Variants in EXOSC8 observed in about 807,000 individuals in gnomAD.
EXOSC8 encodes exosome component 8.
A neutral mutation model predicts 39.9 loss-of-function variants in EXOSC8; 37 were observed. The ratio of observed to expected loss-of-function variants is 0.93; its 90% confidence interval spans 0.71 to 1.22. The LOEUF (loss-of-function observed/expected upper bound fraction) is 1.22. EXOSC8 is among the 50% of genes most tolerant of loss of function. The pLI, the probability that EXOSC8 is intolerant of heterozygous loss-of-function variation, is 0.00. For missense variants in EXOSC8, 313 were observed against 326.6 expected, an observed-to-expected ratio of 0.96 and a Z score of 0.32; for synonymous variants, 93 against 109.5, an observed-to-expected ratio of 0.85 and a Z score of 0.94.
rs769124036 is a variant in EXOSC8 at position 37,008,709 on chromosome 13, A to C, written c.609-20A>C. 2 of 1,467,630 alleles carry C rather than the reference A, an allele frequency of 1.4e-6. No homozygotes were observed. The highest frequency in any genetic ancestry group is 1.7e-5 in the Admixed American group (1 of 57,144). 90.9% of individuals were successfully genotyped at this position (1,467,630 alleles called of 1,614,324 possible). A position where few individuals can be genotyped will look rare whatever the true frequency, so the allele number is the denominator to read the frequency against. ...AATTTGTTCCATGGATTGATAACTT[A>C]TATTTTTTTCTTTTTATAGCACTTT... On this transcript the variant is annotated intron_variant, in intron 9 of 10. Coordinates refer to ENST00000389704, the MANE Select transcript of EXOSC8 (RefSeq NM_181503.3).
intron 1 of EXOSC8, 147 bp from the exon 2 acceptor site, chr13:37,002,126 C>T (rs2059110140): frequency 1.7e-6 from 1 of 575,140 alleles, no homozygotes; most frequent in South Asian, 2.6e-5. Context: ...ATTGCTACTA[C>T]AAGGATTTTT....
intron 4 of EXOSC8, 82 bp downstream of exon 4, chr13:37,003,089 A>G (rs1283396713): frequency 1.2e-6 from 1 of 829,218 alleles, no homozygotes; most frequent in Non-Finnish European, 2.0e-6. Flanking sequence ...CTGTAATTCT[A>G]CTCTTGATTT....
At chr13:37,002,664 T>C (rs2059114349) in intron 3 of EXOSC8, 113 bp downstream of exon 3, 1 of 794,826 alleles carries the variant, frequency 1.3e-6, no homozygotes, top group Non-Finnish European at 2.0e-6. Context: ...ATGATTTTTT[T>C]TGTCAAGAGA....
chr13:37,005,744 A>G (rs2059133975), intron 5 of EXOSC8, among the ~76,000 whole-genome samples, 176 bp from the exon 6 acceptor site: 1 of 150,542 alleles, frequency 6.6e-6, no homozygotes, highest in South Asian at 2.1e-4. Context: ...TGTGCCTGTA[A>G]TCTCAGCTAC....
At chr13:37,007,680 TCTCA>T (rs2059153113) in intron 8 of EXOSC8, among the ~76,000 whole-genome samples, 1 of 152,124 alleles carries the variant, frequency 6.6e-6, no homozygotes, top group African/African-American at 2.4e-5. Context: ...TTCCTGGCTC[TCTCA>T]CTCTGTGCTG....
intron 7 of EXOSC8, among the ~76,000 whole-genome samples, chr13:37,006,718 G>T (rs2138849521): frequency 6.6e-6 from 1 of 152,286 alleles, no homozygotes; most frequent in African/African-American, 2.4e-5. Context: ...TTCTACATCT[G>T]TAGCTCCATT....
chr13:37,007,938 T>C, intron 8 of EXOSC8, 119 bp from the exon 9 acceptor site: 2 of 756,422 alleles, frequency 2.6e-6, no homozygotes, highest in Non-Finnish European at 4.4e-6. Context: ...TAAGGTGCTT[T>C]TTAAAAAGAA....
chr13:37,003,579 G>GACTA (rs1406774447), intron 4 of EXOSC8: 1 of 152,626 alleles, frequency 6.6e-6, no homozygotes, highest in African/African-American at 2.4e-5. Context: ...GTGCTTCTTT[G>GACTA]ACTACAGTAT....
chr13:37,009,056 G>GTAGA, intron 10 of EXOSC8, 128 bp from the exon 11 acceptor site: 1 of 719,062 alleles, frequency 1.4e-6, no homozygotes, highest in Non-Finnish European at 2.4e-6. Context: ...AAACTAACTT[G>GTAGA]TAGATCTTGA....
Position 37,009,340 on chromosome 13 carries a change from TTTG to T in EXOSC8, c.*44_*46del. On this transcript the variant is annotated 3_prime_UTR_variant, in exon 11 of 11. Coordinates refer to ENST00000389704, the MANE Select transcript of EXOSC8 (RefSeq NM_181503.3). ...TCAAAACAGATTTGTAAAAATTGTATTTGTTAACACTGTGCACAAACGTTTTAT... is the reference window on the plus strand; with the variant it reads ...TCAAAACAGATTTGTAAAAATTGTATTTAACACTGTGCACAAACGTTTTAT... 8.6e-7 allele frequency: 1 copy of T among 1,162,950 alleles called. No homozygotes were observed. The highest frequency in any genetic ancestry group is 1.3e-6 in the Non-Finnish European group (1 of 781,626). 72.0% of individuals were successfully genotyped at this position (1,162,950 alleles called of 1,614,324 possible).
Position 37,007,054 on chromosome 13 carries a change from T to C in EXOSC8, c.470T>C (p.Leu157Pro). 6.2e-7 allele frequency: 1 copy of C among 1,611,582 alleles called. No homozygotes were observed. Among genetic ancestry groups the C allele is most frequent in the South Asian group, 1.1e-5 (1 of 91,032 alleles). The change falls in exon 8 of 11, where the codon CTA (leucine) becomes CCA (proline). Residue 157 changes from leucine to proline, a missense_variant. Physicochemically the swap from Leu to Pro is moderately conservative, Grantham distance 98. Coordinates refer to ENST00000389704, the MANE Select transcript of EXOSC8 (RefSeq NM_181503.3). ...NILDACTFAL[L>P]AALKNVQLPE... ...TTGGATGCCTGCACATTTGCTTTGC[T>C]AGCGGCTTTAAAAAATGGTAAGCAG...
In EXOSC8 at chr13:37,006,175, G is replaced by C. The variant is rs1174758656; in HGVS notation, c.390+15G>C. ...CTCCAGGAAAGGTAAGAGGAATAGA[G>C]AAGCTATAAGTTCTTATTAATTCTG... On this transcript the variant is annotated intron_variant, in intron 7 of 10. Transcript: ENST00000389704. 6.4e-7 allele frequency: 1 copy of C among 1,569,126 alleles called. No individual in the cohort carries two copies. Among genetic ancestry groups the C allele is most frequent in the Non-Finnish European group, 8.7e-7 (1 of 1,145,398 alleles).
At position 37,009,276 on chromosome 13, in the gene EXOSC8, A is replaced by T. The variant is rs767303775; in HGVS notation, c.808A>T (p.Ile270Phe). The change falls in exon 11 of 11, where the codon ATT becomes TTT. Residue 270 changes from isoleucine to phenylalanine, a missense_variant. Physicochemically the swap from Ile to Phe is conservative, Grantham distance 21. Transcript: ENST00000389704. ...KEVKKLMDEV[I>F]KSMKPK ...AGTTAAAAAACTGATGGATGAAGTA[A>T]TTAAGAGTATGAAACCCAAATAAAC... 6.2e-6 allele frequency: 10 copies of T among 1,604,886 alleles called. No individual in the cohort carries two copies. The highest frequency in any genetic ancestry group is 8.5e-6 in the Non-Finnish European group (10 of 1,172,316).
chr13:37,002,181 C>A, intron 1 of EXOSC8, 92 bp from the exon 2 acceptor site: 2 of 892,204 alleles, frequency 2.2e-6, no homozygotes, highest in Non-Finnish European at 3.7e-6. Context: ...GAGATTTATG[C>A]TGCATCACCA....
At chr13:37,003,197 G>A (rs1322390652) in intron 4 of EXOSC8, 190 bp downstream of exon 4, 4 of 494,490 alleles carry the variant, frequency 8.1e-6, no homozygotes, top group Non-Finnish European at 1.4e-5. Context: ...GTGAACAATT[G>A]TCAAATGTAG....
chr13:37,009,540 G>T lies in EXOSC8; in HGVS notation c.*241G>T. ...TTTTATTTAAAAATGATAAGGTTGT[G>T]CTTCTGTATAAAGTTTGTACATCTA... On this transcript the variant is annotated 3_prime_UTR_variant, in exon 11 of 11. Coordinates refer to ENST00000389704, the MANE Select transcript of EXOSC8 (RefSeq NM_181503.3). The T allele has an allele frequency of 9.0e-7, 1 of 1,110,818 alleles. No individual in the cohort carries two copies. The highest frequency in any genetic ancestry group is 1.3e-6 in the Non-Finnish European group (1 of 744,314). The allele number at this position is 1,110,818 out of a possible 1,614,324, so 68.8% of individuals were successfully genotyped here. A position where few individuals can be genotyped will look rare whatever the true frequency, so the allele number is the denominator to read the frequency against.
rs1044235572 is a variant in EXOSC8 at position 37,009,297 on chromosome 13, T to A, written c.829T>A (p.Ter277LysextTer16). The change falls in exon 11 of 11, where the codon TAA becomes AAA. Residue 277 changes from the stop codon to lysine (K), a stop_lost. Transcript: ENST00000389704. ...AGTAATTAAGAGTATGAAACCCAAA[T>A]AAACAGCCACCACATTTTCAAAACA... ...DEVIKSMKPK[*>K] 1 of 1,525,116 alleles carries A rather than the reference T, an allele frequency of 6.6e-7. No homozygotes were observed. Among genetic ancestry groups the A allele is most frequent in the East Asian group, 2.3e-5 (1 of 44,400 alleles). The allele number at this position is 1,525,116 out of a possible 1,614,324, so 94.5% of individuals were successfully genotyped here. A position where few individuals can be genotyped will look rare whatever the true frequency, so the allele number is the denominator to read the frequency against.
At chr13:37,007,116 G>T (rs1240465963) in intron 8 of EXOSC8, 45 bp downstream of exon 8, 1 of 1,213,956 alleles carries the variant, frequency 8.2e-7, no homozygotes, top group Admixed American at 1.7e-5. Flanking sequence ...TCATGGGTTA[G>T]AATGTTGTTT....
rs763339363 is a variant in EXOSC8 at position 37,009,245 on chromosome 13, CAAAG to C, written c.780_783del (p.Glu261LeufsTer4). 3.1e-6 allele frequency: 5 copies of C among 1,613,294 alleles called. No homozygotes were observed. Among genetic ancestry groups the C allele is most frequent in the African/African-American group, 2.7e-5 (2 of 74,852 alleles). ...GTATGAGCCGAGCAGTTACAAGACA[CAAAG>C]AAGTTAAAAAACTGATGGATGAAGT... is the stretch of plus-strand genomic sequence containing the variant. On this transcript the variant is annotated frameshift_variant, in exon 11 of 11. Coordinates refer to ENST00000389704, the MANE Select transcript of EXOSC8 (RefSeq NM_181503.3). LOFTEE classifies it high-confidence loss of function.
Sources: gnomAD v4.1 joint callset for allele counts (sites outside exome capture counted in the v4.1 genomes callset) on GRCh38, gnomAD v4.1.1 for gene constraint, MANE v1.5 for transcripts, NCBI Gene and HGNC (gene_info 2026-07-23, HGNC 2026-07-21) for gene names.